Variants in TEX14 observed in about 807,000 individuals in gnomAD.
The protein encoded by TEX14 is testis expressed 14, intercellular bridge forming factor.
A neutral mutation model predicts 178.6 loss-of-function variants in TEX14; 168 were observed. That is an observed-to-expected ratio of 0.94 (90% confidence interval 0.83 to 1.07). The LOEUF (loss-of-function observed/expected upper bound fraction) is 1.07, where lower values mean the gene tolerates loss of function less well. TEX14 is among the 50% of genes least tolerant of loss of function. The probability of loss-of-function intolerance (pLI) is 0.00; values close to 1 mark genes in which losing one functional copy is unlikely to be tolerated. For missense variants in TEX14, 1,730 were observed against 1,753.6 expected, an observed-to-expected ratio of 0.99 and a Z score of 0.24; for synonymous variants, 626 against 634.1, an observed-to-expected ratio of 0.99 and a Z score of 0.19.
chr17:58,660,629 T>C (rs1220665217), intron 1 of TEX14: 1 of 790,960 alleles, frequency 1.3e-6, no homozygotes, highest in African/African-American at 1.7e-5. Flanking sequence ...GTCCTTCCAG[T>C]CATCCCACTC....
intron 10 of TEX14, among the ~76,000 whole-genome samples, chr17:58,609,826 A>G (rs1230206023): frequency 6.6e-6 from 1 of 152,256 alleles, no homozygotes; most frequent in African/African-American, 2.4e-5. Flanking sequence ...ATAGCAGTAA[A>G]TAAAACAGAA....
In TEX14 at chr17:58,599,082, A is replaced by C. The variant is rs55927508; in HGVS notation, c.2263T>G (p.Leu755Val). 1.9e-6 allele frequency: 3 copies of C among 1,614,022 alleles called. No individual in the cohort carries two copies. Among genetic ancestry groups the C allele is most frequent in the African/African-American group, 1.3e-5 (1 of 74,930 alleles). ...DDRLRNIEQI[L>V]DEVEMKQKEQ... is the part of the protein sequence containing the mutation. ...TTCTGTTTCATCTCGACTTCATCTA[A>C]TATCTGCTCGATATTCCTCAGCCTA... is the stretch of plus-strand genomic sequence containing the variant. The change falls in exon 14 of 32, where the codon TTA becomes GTA. Residue 755 changes from leucine (L) to valine (V), a missense_variant. Leu to Val is a conservative substitution (Grantham distance 32, BLOSUM62 1). Coordinates refer to ENST00000349033, the MANE Select transcript of TEX14 (RefSeq NM_031272.5).
chr17:58,558,504 T>C (rs2044200041), intron 30 of TEX14, among the ~76,000 whole-genome samples: 1 of 152,092 alleles, frequency 6.6e-6, no homozygotes, highest in Non-Finnish European at 1.5e-5. Flanking sequence ...TGCTGGGGCC[T>C]GTCATTGGCA....
At chr17:58,640,794 A>G (rs1427347686) in intron 2 of TEX14, among the ~76,000 whole-genome samples, 7 of 152,132 alleles carry the variant, frequency 4.6e-5, no homozygotes, top group Non-Finnish European at 7.3e-5. Flanking sequence ...ATCTCAGCTC[A>G]GTGCAACCTC....
At chr17:58,649,737 T>A (rs2046799011) in intron 2 of TEX14, among the ~76,000 whole-genome samples, 1 of 152,128 alleles carries the variant, frequency 6.6e-6, no homozygotes, top group Admixed American at 6.6e-5. Context: ...TTTATTTATT[T>A]TTTATTTATT....
intron 6 of TEX14, among the ~76,000 whole-genome samples, chr17:58,616,619 G>A (rs914778065): frequency 1.3e-5 from 2 of 151,760 alleles, no homozygotes; most frequent in Admixed American, 1.3e-4. Flanking sequence ...AATAGAGACG[G>A]GCTTTTGCCA....
chr17:58,681,763 A>G (rs2047504937), intron 1 of TEX14, among the ~76,000 whole-genome samples: 1 of 152,052 alleles, frequency 6.6e-6, no homozygotes, highest in South Asian at 2.1e-4. Flanking sequence ...GAATCGCTTG[A>G]ACCTGAAAGG....
intron 10 of TEX14, among the ~76,000 whole-genome samples, chr17:58,610,008 A>G (rs1483578392): frequency 6.6e-6 from 1 of 152,216 alleles, no homozygotes; most frequent in African/African-American, 2.4e-5. Context: ...GAGGCCTCAC[A>G]GAAGAGCAGA....
intron 1 of TEX14, chr17:58,677,508 C>T (rs2047413783): frequency 6.6e-6 from 1 of 152,182 alleles, no homozygotes; most frequent in Non-Finnish European, 1.5e-5. Flanking sequence ...AAGAAACAAG[C>T]AAGGAGAAGC....
chr17:58,582,888 C>G lies in TEX14; in HGVS notation c.3171+1612G>C, dbSNP rs1231015145. On this transcript the variant is annotated intron_variant, in intron 19 of 31. Coordinates refer to ENST00000349033, the MANE Select transcript of TEX14 (RefSeq NM_031272.5). ...CTGCAAATTTATTTCTTTAGCATCT[C>G]TGCTCCACCCCTTTTTTCCTGCTTA... is the stretch of plus-strand genomic sequence containing the variant. Among the ~76,000 whole-genome samples the G allele has an allele frequency of 2.6e-5, 4 of 151,788 alleles. No homozygotes were observed. In the East Asian group the frequency reaches 7.8e-4, roughly 29 times the overall value.
chr17:58,624,341 C>CTTTTTTTTTTTTTTT (rs34422419), intron 3 of TEX14, among the ~76,000 whole-genome samples: 1 of 128,624 alleles, frequency 7.8e-6, no homozygotes, highest in African/African-American at 2.8e-5. Flanking sequence ...CTTTTCTTTT[C>CTTTTTTTTTTTTTTT]TTTTTTTTTT....
At chr17:58,598,753 C>G (rs1475402027) in intron 14 of TEX14, 123 bp downstream of exon 14, 1 of 997,024 alleles carries the variant, frequency 1.0e-6, no homozygotes, top group African/African-American at 1.6e-5. Flanking sequence ...CTCAGGTTAC[C>G]TGATGGCTTA....
rs534281092 is a variant in TEX14 at position 58,619,724 on chromosome 17, C to A, written c.554+1926G>T. 5.3e-5 allele frequency among the ~76,000 whole-genome samples: 8 copies of A among 150,644 alleles called. No individual in the cohort carries two copies. In the South Asian group the frequency reaches 1.7e-3, roughly 32 times the overall value. On this transcript the variant is annotated intron_variant, in intron 5 of 31. Coordinates refer to ENST00000349033, the MANE Select transcript of TEX14 (RefSeq NM_031272.5). ...GGCTGAGGCAGGAGAATTGCTTGAA[C>A]CCAGGAGACAGAGGTTGTGGTGAGC...
Position 58,599,080 on chromosome 17 carries a change from T to A in TEX14, c.2265A>T (p.Leu755Phe). ...CCTTCTGTTTCATCTCGACTTCATC[T>A]AATATCTGCTCGATATTCCTCAGCC... Reference protein sequence around the residue: ...DDRLRNIEQILDEVEMKQKEQ... With the variant: ...DDRLRNIEQIFDEVEMKQKEQ... The change falls in exon 14 of 32, where the codon TTA (leucine) becomes TTT (phenylalanine). Residue 755 changes from leucine (L) to phenylalanine (F), a missense_variant. This residue lies in a region of TEX14 where 941 missense variants were observed against 1,072.4 expected (regional missense o/e 0.88). Transcript: ENST00000349033. 6.2e-7 allele frequency: 1 copy of A among 1,614,136 alleles called. No individual in the cohort carries two copies.
Position 58,559,562 on chromosome 17 carries a change from C to T in TEX14, c.4158G>A (p.Arg1386=), listed in dbSNP as rs762100067. The T allele has an allele frequency of 1.4e-6, 2 of 1,429,688 alleles. No homozygotes were observed. The highest frequency in any genetic ancestry group is 4.6e-5 in the East Asian group (2 of 43,722). The allele number at this position is 1,429,688 out of a possible 1,614,324, so 88.6% of individuals were successfully genotyped here. A position where few individuals can be genotyped will look rare whatever the true frequency, so the allele number is the denominator to read the frequency against. Residue 1386 remains arginine (R), a splice_region_variant and synonymous_variant, in exon 30 of 32, where the codon AGG becomes AGA. Transcript: ENST00000349033. ...CTTTTTGATCTTTGATATTTGTCTCCCTGTAACAACAATTATTTGGGGAAT... is the reference window on the plus strand; with the variant it reads ...CTTTTTGATCTTTGATATTTGTCTCTCTGTAACAACAATTATTTGGGGAAT... ...ELQDLPKGSE[R]ETNIKDQKVG... is the part of the protein sequence containing the mutation.
At chr17:58,604,514 G>A (rs1466156206) in intron 11 of TEX14, among the ~76,000 whole-genome samples, 2 of 150,880 alleles carry the variant, frequency 1.3e-5, no homozygotes, top group Non-Finnish European at 3.0e-5. Context: ...TTTTTAGTGT[G>A]GATTAAATGC....
rs780044371 is a variant in TEX14, at chr17:58,584,599, A to T, written c.3072T>A (p.Ser1024Arg). The T allele has an allele frequency of 6.2e-7, 1 of 1,611,848 alleles. No individual in the cohort carries two copies. The highest frequency in any genetic ancestry group is 8.5e-7 in the Non-Finnish European group (1 of 1,178,000). The change falls in exon 19 of 32, where the codon AGT becomes AGA. Residue 1024 changes from serine (S) to arginine (R), a missense_variant and splice_region_variant. Coordinates refer to ENST00000349033, the MANE Select transcript of TEX14 (RefSeq NM_031272.5). ...TTTGTCTGGGAGATGGGTGCCTGATACCTAATGATTGTAACACAGTCAGGG... is the reference window on the plus strand; with the variant it reads ...TTTGTCTGGGAGATGGGTGCCTGATTCCTAATGATTGTAACACAGTCAGGG... ...GRQPRLGSFT[S>R]IRHPSPRQKE... is the part of the protein sequence containing the mutation.
At chr17:58,572,261 CAAACA>C in intron 23 of TEX14, 135 bp from the exon 24 acceptor site, 2 of 388,548 alleles carry the variant, frequency 5.1e-6, no homozygotes, top group East Asian at 4.4e-5. Context: ...TTAAAACAAA[CAAACA>C]AACAAACAAA....
intron 24 of TEX14, 79 bp from the exon 25 acceptor site, chr17:58,570,563 G>C: frequency 1.3e-6 from 1 of 775,096 alleles, no homozygotes; most frequent in Non-Finnish European, 1.8e-6. Flanking sequence ...ATTTCCAGTT[G>C]TTTTGTTGAT....
Sources: gnomAD v4.1 joint callset for allele counts (sites outside exome capture counted in the v4.1 genomes callset) on GRCh38, gnomAD v4.1.1 for gene constraint, gnomAD v4.1.1 regional missense constraint, MANE v1.5 for transcripts, NCBI Gene and HGNC (gene_info 2026-07-23, HGNC 2026-07-21) for gene names.